Variants in ARID4A observed in about 807,000 individuals in gnomAD.
ARID4A encodes the protein AT-rich interaction domain 4A.
Under a neutral mutation model 148.6 loss-of-function variants are expected in ARID4A, and 39 were observed. That is an observed-to-expected ratio of 0.26 (90% confidence interval 0.20 to 0.34). ARID4A has a LOEUF of 0.34. ARID4A is among the 10% of genes least tolerant of loss of function. The probability of loss-of-function intolerance (pLI) is 1.00; values close to 1 mark genes in which losing one functional copy is unlikely to be tolerated. For missense variants in ARID4A, 1,265 were observed against 1,449.1 expected, an observed-to-expected ratio of 0.87 and a Z score of 2.06; for synonymous variants, 475 against 481.2, an observed-to-expected ratio of 0.99 and a Z score of 0.17.
At chr14:58,302,606 C>A (rs909243154) in intron 3 of ARID4A, among the ~76,000 whole-genome samples, 1 of 151,898 alleles carries the variant, frequency 6.6e-6, no homozygotes. Context: ...TGCAGTGAGC[C>A]GAAATCACAC....
Position 58,359,127 on chromosome 14 carries a change from T to C in ARID4A, c.1854-5T>C. On this transcript the variant is annotated splice_region_variant and splice_polypyrimidine_tract_variant and intron_variant, in intron 17 of 23. Transcript: ENST00000355431. ...AAACTCTTTTTTTTTTTTTTTTTTT[T>C]TAAGGTATGATGAGTGGGTGAAGGC... 2.6e-6 allele frequency: 4 copies of C among 1,565,528 alleles called. No individual in the cohort carries two copies. Among genetic ancestry groups the C allele is most frequent in the Non-Finnish European group, 3.4e-6 (4 of 1,165,430 alleles).
At chr14:58,367,063 T>C in intron 23 of ARID4A, 34 bp downstream of exon 23, 1 of 1,370,708 alleles carries the variant, frequency 7.3e-7, no homozygotes, top group Non-Finnish European at 9.6e-7. Context: ...CCCTTATATT[T>C]CAAAACTATA....
At chr14:58,305,805 G>A (rs1034278785) in intron 4 of ARID4A, among the ~76,000 whole-genome samples, 1 of 152,144 alleles carries the variant, frequency 6.6e-6, no homozygotes, top group East Asian at 1.9e-4. Context: ...GTGTAAAGTA[G>A]GGGTAATAAT....
intron 23 of ARID4A, among the ~76,000 whole-genome samples, chr14:58,370,781 T>TC (rs1566731331): frequency 6.6e-6 from 1 of 151,324 alleles, no homozygotes. Flanking sequence ...GCTAATTTTT[T>TC]AGTTTTTTTT....
chr14:58,301,746 G>A, intron 3 of ARID4A, 56 bp downstream of exon 3: 2 of 1,355,612 alleles, frequency 1.5e-6, no homozygotes, highest in Non-Finnish European at 2.1e-6. Flanking sequence ...GAAATTTGGG[G>A]AGAGAGAGAC....
intron 17 of ARID4A, among the ~76,000 whole-genome samples, chr14:58,357,355 G>A (rs1301495845): frequency 6.6e-6 from 1 of 152,120 alleles, no homozygotes. Context: ...ATCTGTATAG[G>A]TAGTCATGGT....
In ARID4A at chr14:58,306,031, A is replaced by G. The variant is rs1336068377; in HGVS notation, c.193A>G (p.Ile65Val). The G allele has an allele frequency of 3.1e-6, 5 of 1,613,374 alleles. No homozygotes were observed. Among genetic ancestry groups the G allele is most frequent in the Admixed American group, 3.3e-5 (2 of 59,968 alleles). Residue 65 changes from isoleucine to valine, a missense_variant, in exon 5 of 24, where the codon ATT becomes GTT. Physicochemically the swap from Ile to Val is conservative, Grantham distance 29. Around this residue, in one of 9 missense-constraint regions of ARID4A, gnomAD observed 59 missense variants for 49.8 expected, o/e 1.18. Coordinates refer to ENST00000355431, the MANE Select transcript of ARID4A (RefSeq NM_002892.4). ...GGATTTCACATTTTAGGTTGGAGCT[A>G]TTGTTGAAACAAGGACATCTGATGG... is the stretch of plus-strand genomic sequence containing the variant. ...QVKGPLRVGAIVETRTSDGSF... is the reference protein window; with the variant it reads ...QVKGPLRVGAVVETRTSDGSF...
intron 2 of ARID4A, among the ~76,000 whole-genome samples, chr14:58,301,219 C>T (rs1594856135): frequency 6.6e-6 from 1 of 152,140 alleles, no homozygotes; most frequent in East Asian, 1.9e-4. Flanking sequence ...TTTCAGGAAG[C>T]TATAAATGAA....
chr14:58,362,161 A>T (rs2035160461), intron 19 of ARID4A, among the ~76,000 whole-genome samples: 1 of 152,220 alleles, frequency 6.6e-6, no homozygotes, highest in East Asian at 1.9e-4. Context: ...AGCAAAGCTG[A>T]GACCATGTGG....
chr14:58,313,169 A>C (rs1298048618), intron 5 of ARID4A, among the ~76,000 whole-genome samples: 1 of 152,202 alleles, frequency 6.6e-6, no homozygotes, highest in African/African-American at 2.4e-5. Flanking sequence ...TCTAGAGAGA[A>C]CCAATAAGAT....
chr14:58,359,015 A>G, intron 17 of ARID4A, 117 bp from the exon 18 acceptor site: 1 of 1,166,956 alleles, frequency 8.6e-7, no homozygotes, highest in Non-Finnish European at 1.2e-6. Flanking sequence ...TCTTGCCAAC[A>G]CTAAGAACAA....
chr14:58,301,822 C>A, intron 3 of ARID4A, 132 bp downstream of exon 3: 1 of 516,516 alleles, frequency 1.9e-6, no homozygotes, highest in Non-Finnish European at 3.3e-6. Context: ...AAAGGAAAAG[C>A]ACATCAAAAA....
chr14:58,331,176 G>T (rs2033496503), intron 11 of ARID4A: 1 of 152,128 alleles, frequency 6.6e-6, no homozygotes. Flanking sequence ...AATCAGAATG[G>T]CGGTTCATAC....
intron 23 of ARID4A, among the ~76,000 whole-genome samples, chr14:58,370,454 G>C (rs956458691): frequency 6.6e-6 from 1 of 151,304 alleles, no homozygotes; most frequent in African/African-American, 2.4e-5. Flanking sequence ...CCGCCACCAT[G>C]CCTGGCTAAT....
chr14:58,339,490 C>T (rs1006617735), intron 11 of ARID4A, among the ~76,000 whole-genome samples: 3 of 152,128 alleles, frequency 2.0e-5, no homozygotes, highest in African/African-American at 4.8e-5. Context: ...GTACAAGTTA[C>T]ATGGGTCTGA....
chr14:58,325,637 A>G (rs2033166923), intron 8 of ARID4A, among the ~76,000 whole-genome samples: 1 of 152,146 alleles, frequency 6.6e-6, no homozygotes, highest in African/African-American at 2.4e-5. Context: ...TATCTCTAAT[A>G]ATAATTGTGG....
chr14:58,358,865 A>G (rs1006380915), intron 17 of ARID4A, among the ~76,000 whole-genome samples: 1 of 152,206 alleles, frequency 6.6e-6, no homozygotes. Context: ...TCTTGAATCT[A>G]GAGTTTGCTT....
In ARID4A at chr14:58,372,024, C is replaced by T. The variant is rs757016644; in HGVS notation, c.*35C>T. ...TCTCTACCTTCCCAGCAGTTTGCTG[C>T]CATGGACATAAATCCCCAAACCCTG... On this transcript the variant is annotated 3_prime_UTR_variant, in exon 24 of 24. Transcript: ENST00000355431. 1.4e-6 allele frequency: 2 copies of T among 1,451,084 alleles called. No individual in the cohort carries two copies. The highest frequency in any genetic ancestry group is 1.9e-6 in the Non-Finnish European group (2 of 1,036,334). The allele number at this position is 1,451,084 out of a possible 1,614,324, so 89.9% of individuals were successfully genotyped here. A position where few individuals can be genotyped will look rare whatever the true frequency, so the allele number is the denominator to read the frequency against.
intron 11 of ARID4A, among the ~76,000 whole-genome samples, chr14:58,341,941 C>G (rs1008414932): frequency 6.6e-6 from 1 of 152,168 alleles, no homozygotes; most frequent in South Asian, 2.1e-4. Context: ...TTATAACCCT[C>G]TCGCACTCCA....
Sources: allele counts gnomAD v4.1 joint callset (sites outside exome capture counted in the v4.1 genomes callset), GRCh38; gene constraint gnomAD v4.1.1; regional missense constraint gnomAD v4.1.1; transcripts MANE v1.5; gene names NCBI Gene and HGNC (gene_info 2026-07-23, HGNC 2026-07-21).